The following SND1 variants were observed in gnomAD, a reference collection of about 807,000 sequenced individuals.
SND1 encodes staphylococcal nuclease domain-containing protein 1.
In SND1, 38 loss-of-function variants were observed where a neutral mutation model predicts 121.7. The observed-to-expected ratio is 0.31, with a 90% confidence interval of 0.24 to 0.41. The LOEUF (loss-of-function observed/expected upper bound fraction) is 0.41. Ranked by LOEUF, SND1 falls within the 10% of genes least tolerant of loss-of-function variation. The probability of loss-of-function intolerance (pLI) is 1.00; values close to 1 mark genes in which losing one functional copy is unlikely to be tolerated. For missense variants in SND1, 868 were observed against 1,184.6 expected (o/e 0.73, Z 3.92); for synonymous variants, 401 against 447.4 (o/e 0.90, Z 1.31).
At chr7:127,945,455 C>T (rs1349551281) in intron 15 of SND1, among the ~76,000 whole-genome samples, 1 of 151,902 alleles carries the variant, frequency 6.6e-6, no homozygotes, top group Non-Finnish European at 1.5e-5. Context: ...CGCACCACTG[C>T]ACTCCAGCCT....
At chr7:127,696,327 T>C (rs1006457053) in intron 3 of SND1, among the ~76,000 whole-genome samples, 1 of 152,218 alleles carries the variant, frequency 6.6e-6, no homozygotes, top group Non-Finnish European at 1.5e-5. Context: ...TACCTCTTTT[T>C]AGTCTCCCAG....
At chr7:127,670,954 G>T (rs1044134996) in intron 1 of SND1, among the ~76,000 whole-genome samples, 1 of 152,016 alleles carries the variant, frequency 6.6e-6, no homozygotes, top group Non-Finnish European at 1.5e-5. Flanking sequence ...TTTGAATTCT[G>T]TGATTTGAAA....
At chr7:127,656,524 T>G (rs758990559) in intron 1 of SND1, among the ~76,000 whole-genome samples, 25 of 152,104 alleles carry the variant, frequency 1.6e-4, no homozygotes, top group Admixed American at 8.5e-4. Flanking sequence ...AGTTTCACCA[T>G]GTTGGCTGGT....
intron 11 of SND1, among the ~76,000 whole-genome samples, chr7:127,815,359 C>G (rs1798418141): frequency 6.6e-6 from 1 of 152,118 alleles, no homozygotes; most frequent in Non-Finnish European, 1.5e-5. Flanking sequence ...GCGTGGTGGA[C>G]TGCACCTGTA....
intron 7 of SND1, among the ~76,000 whole-genome samples, chr7:127,704,492 T>C (rs1796156086): frequency 6.6e-6 from 1 of 152,210 alleles, no homozygotes; most frequent in East Asian, 1.9e-4. Context: ...AAGAATAAGG[T>C]GTAATCTCTA....
intron 15 of SND1, among the ~76,000 whole-genome samples, chr7:127,960,910 G>T (rs1049403893): frequency 1.2e-4 from 18 of 152,176 alleles, no homozygotes; most frequent in Admixed American, 1.0e-3. Flanking sequence ...AAAGCTTAGG[G>T]GAATCCCAAG....
intron 14 of SND1, among the ~76,000 whole-genome samples, chr7:127,918,617 G>A (rs1212161901): frequency 2.6e-5 from 4 of 152,186 alleles, no homozygotes; most frequent in Non-Finnish European, 5.9e-5. Context: ...GGTCCTAGAA[G>A]AGTATATGGC....
intron 12 of SND1, among the ~76,000 whole-genome samples, chr7:127,866,608 C>G (rs1177508134): frequency 6.6e-6 from 1 of 152,142 alleles, no homozygotes; most frequent in Non-Finnish European, 1.5e-5. Context: ...CCAAGCATTT[C>G]GTACCTGCAG....
intron 16 of SND1, among the ~76,000 whole-genome samples, chr7:128,007,560 A>G (rs1255645032): frequency 6.6e-6 from 1 of 152,226 alleles, no homozygotes; most frequent in Admixed American, 6.5e-5. Context: ...CATTCCTGCT[A>G]TGCCTGAGTA....
rs373488124 is a variant in SND1 at position 127,995,132 on chromosome 7, C to T, written c.1779+4076C>T. On this transcript the variant is annotated intron_variant, in intron 16 of 23. Transcript: ENST00000354725. ...TGGCTTGCAAAGCCTAAACTATTTACGATCTGTTCCTTTACCAAAAAGTTT... is the reference window on the plus strand; with the variant it reads ...TGGCTTGCAAAGCCTAAACTATTTATGATCTGTTCCTTTACCAAAAAGTTT... Among the ~76,000 whole-genome samples, 4 of 152,214 alleles carry T rather than the reference C, an allele frequency of 2.6e-5. No homozygotes were observed. In the East Asian group the frequency reaches 5.8e-4, roughly 22 times the overall value.
chr7:127,959,123 G>A (rs568420738), intron 15 of SND1, among the ~76,000 whole-genome samples: 9 of 152,300 alleles, frequency 5.9e-5, no homozygotes, highest in African/African-American at 1.9e-4. Context: ...CACGAGTTCA[G>A]AAGAAGGTGG....
chr7:127,808,847 A>G (rs1042739316), intron 11 of SND1, among the ~76,000 whole-genome samples: 2 of 152,202 alleles, frequency 1.3e-5, no homozygotes, highest in African/African-American at 4.8e-5. Flanking sequence ...CATTTCGCTC[A>G]TTTACTGGCT....
intron 15 of SND1, among the ~76,000 whole-genome samples, chr7:127,978,711 A>G: frequency 6.6e-6 from 1 of 152,232 alleles, no homozygotes; most frequent in Non-Finnish European, 1.5e-5. Flanking sequence ...TTTATTTATT[A>G]TAATTTAACA....
intron 11 of SND1, among the ~76,000 whole-genome samples, chr7:127,843,611 G>T (rs963366182): frequency 2.6e-5 from 4 of 152,034 alleles, no homozygotes; most frequent in Admixed American, 2.6e-4. Context: ...TCTGTCATCT[G>T]GATATACCAC....
chr7:128,003,216 G>T (rs1222779800), intron 16 of SND1, among the ~76,000 whole-genome samples: 1 of 151,866 alleles, frequency 6.6e-6, no homozygotes, highest in Non-Finnish European at 1.5e-5. Flanking sequence ...CCAAAAAAAA[G>T]AAGAAAAAAA....
At chr7:127,908,446 C>A (rs1349586130) in intron 14 of SND1, among the ~76,000 whole-genome samples, 2 of 151,058 alleles carry the variant, frequency 1.3e-5, no homozygotes, top group Non-Finnish European at 2.9e-5. Flanking sequence ...CAAGCTGGTA[C>A]CTTAGATCCT....
intron 15 of SND1, among the ~76,000 whole-genome samples, chr7:127,941,473 C>G (rs1355073215): frequency 6.6e-6 from 1 of 152,166 alleles, no homozygotes; most frequent in African/African-American, 2.4e-5. Context: ...TTTAAATCCA[C>G]TGGTTAGTCT....
intron 16 of SND1, chr7:128,030,567 G>A: frequency 1.2e-6 from 2 of 1,611,028 alleles, no homozygotes; most frequent in Non-Finnish European, 1.7e-6. Context: ...CACTTGCGCC[G>A]TGAGGTAGAC....
At chr7:127,798,192 C>T (rs1318184992) in intron 10 of SND1, among the ~76,000 whole-genome samples, 1 of 152,170 alleles carries the variant, frequency 6.6e-6, no homozygotes, top group South Asian at 2.1e-4. Context: ...ATTTGCTTTA[C>T]TTCTTCCCTC....
Sources: allele counts gnomAD v4.1 joint callset (sites outside exome capture counted in the v4.1 genomes callset), GRCh38; gene constraint gnomAD v4.1.1; transcripts MANE v1.5; gene names NCBI Gene and HGNC (gene_info 2026-07-23, HGNC 2026-07-21).